CSMD2: variants seen among roughly 807,000 people sequenced by gnomAD.
The protein encoded by CSMD2 is CUB and Sushi multiple domains 2.
CSMD2 carries 130 observed loss-of-function variants against 398.5 expected under a neutral mutation model. The observed-to-expected ratio is 0.33, with a 90% CI of 0.28 to 0.38. The LOEUF (loss-of-function observed/expected upper bound fraction) is 0.38. Ranked by LOEUF, CSMD2 falls within the 10% of genes least tolerant of loss-of-function variation. The pLI, the probability that CSMD2 is intolerant of heterozygous loss-of-function variation, is 1.00. For missense variants in CSMD2, 3,829 were observed against 4,764.9 expected, an observed-to-expected ratio of 0.80 and a Z score of 5.78; for synonymous variants, 1,828 against 1,908.5, an observed-to-expected ratio of 0.96 and a Z score of 1.10.
chr1:33,585,685 C>G (rs932088782), intron 46 of CSMD2, among the ~76,000 whole-genome samples: 2 of 152,196 alleles, frequency 1.3e-5, no homozygotes, highest in African/African-American at 4.8e-5. Context: ...TCTGCTATTC[C>G]TTACTGACAG....
At chr1:33,675,336 T>C (rs1319944414) in intron 25 of CSMD2, among the ~76,000 whole-genome samples, 5 of 152,076 alleles carry the variant, frequency 3.3e-5, no homozygotes, top group South Asian at 2.1e-4. Context: ...AACACCTCTA[T>C]GCAAATAAAC....
intron 13 of CSMD2, among the ~76,000 whole-genome samples, chr1:33,753,528 A>T (rs1290154040): frequency 2.0e-5 from 3 of 152,228 alleles, no homozygotes. Flanking sequence ...GATGATGTGG[A>T]GTGGCAATGT....
intron 60 of CSMD2, among the ~76,000 whole-genome samples, chr1:33,538,598 A>C (rs1656024870): frequency 6.6e-6 from 1 of 152,176 alleles, no homozygotes; most frequent in African/African-American, 2.4e-5. Flanking sequence ...TATGCTGACC[A>C]ATTAGAAGTC....
At chr1:33,952,271 C>T (rs1380944664) in intron 3 of CSMD2, among the ~76,000 whole-genome samples, 1 of 152,066 alleles carries the variant, frequency 6.6e-6, no homozygotes, top group African/African-American at 2.4e-5. Context: ...AGTTACAGAA[C>T]CAGTGGTATT....
intron 5 of CSMD2, among the ~76,000 whole-genome samples, chr1:33,903,334 C>CAT: frequency 6.9e-6 from 1 of 144,474 alleles, no homozygotes; most frequent in South Asian, 2.2e-4. Flanking sequence ...GACTGCTGAG[C>CAT]TTTTTTTTTT....
rs987221158 is a variant in CSMD2 at position 33,699,024 on chromosome 1, G to A, written c.3734-80C>T. 1.0e-5 allele frequency: 13 copies of A among 1,274,314 alleles called. No individual in the cohort carries two copies. In the Admixed American group the frequency reaches 1.1e-4, roughly 11 times the overall value. The allele number at this position is 1,274,314 out of a possible 1,614,324, so 78.9% of individuals were successfully genotyped here. ...CTTCCTCTCTTCCCTCAAAGCCCACGTCCTCAAGGAAGCTGTCTCAGCCAC... is the reference window on the plus strand; with the variant it reads ...CTTCCTCTCTTCCCTCAAAGCCCACATCCTCAAGGAAGCTGTCTCAGCCAC... On this transcript the variant is annotated intron_variant, in intron 23 of 70. Coordinates refer to ENST00000373381, the MANE Select transcript of CSMD2 (RefSeq NM_001281956.2).
intron 5 of CSMD2, among the ~76,000 whole-genome samples, chr1:33,850,013 C>A (rs1188452305): frequency 6.6e-6 from 1 of 152,076 alleles, no homozygotes; most frequent in African/African-American, 2.4e-5. Context: ...TATGCCCCAG[C>A]CACAGATATC....
At chr1:33,679,249 T>C (rs1644824625) in intron 25 of CSMD2, among the ~76,000 whole-genome samples, 1 of 146,932 alleles carries the variant, frequency 6.8e-6, no homozygotes, top group Admixed American at 6.9e-5. Flanking sequence ...GTCACCAGGT[T>C]GGAGTGCAGT....
chr1:33,889,075 C>T (rs1328508559), intron 5 of CSMD2, among the ~76,000 whole-genome samples: 1 of 152,078 alleles, frequency 6.6e-6, no homozygotes, highest in African/African-American at 2.4e-5. Flanking sequence ...CGGCCAAGAT[C>T]AACTGATTTC....
intron 1 of CSMD2, among the ~76,000 whole-genome samples, chr1:34,162,488 C>G (rs971791151): frequency 6.6e-6 from 1 of 152,220 alleles, no homozygotes; most frequent in Non-Finnish European, 1.5e-5. Context: ...TGCCGATCTT[C>G]TGTCACCAAG....
intron 53 of CSMD2, among the ~76,000 whole-genome samples, chr1:33,562,540 G>A (rs1475698439): frequency 2.0e-5 from 3 of 152,198 alleles, no homozygotes; most frequent in African/African-American, 7.2e-5. Context: ...GAGGGGAGAG[G>A]TGGAGGCAAT....
At chr1:34,127,969 T>C (rs766315243) in intron 1 of CSMD2, among the ~76,000 whole-genome samples, 2 of 151,890 alleles carry the variant, frequency 1.3e-5, no homozygotes, top group Non-Finnish European at 2.9e-5. Flanking sequence ...ACCACACCCA[T>C]CGTCCCACCC....
At chr1:33,605,780 G>T in intron 41 of CSMD2, 1 of 1,084,524 alleles carries the variant, frequency 9.2e-7, no homozygotes, top group Non-Finnish European at 1.4e-6. Context: ...GGAAGACATT[G>T]CTCAATTGAA....
intron 53 of CSMD2, among the ~76,000 whole-genome samples, chr1:33,566,403 G>A (rs1364946584): frequency 6.6e-6 from 1 of 152,034 alleles, no homozygotes; most frequent in African/African-American, 2.4e-5. Flanking sequence ...GAGCAGAATG[G>A]TGGTTACCAT....
chr1:34,138,281 C>T (rs1040578155), intron 1 of CSMD2, among the ~76,000 whole-genome samples: 6 of 152,192 alleles, frequency 3.9e-5, no homozygotes, highest in African/African-American at 1.4e-4. Flanking sequence ...GTACGATTTC[C>T]TCCAGGAGAG....
intron 2 of CSMD2, among the ~76,000 whole-genome samples, chr1:34,067,753 C>T (rs1188984110): frequency 2.0e-5 from 3 of 152,212 alleles, no homozygotes; most frequent in African/African-American, 7.2e-5. Flanking sequence ...TGACTGCCTC[C>T]TTCTTCAATG....
At chr1:34,042,533 C>T (rs1452895812) in intron 2 of CSMD2, among the ~76,000 whole-genome samples, 3 of 152,226 alleles carry the variant, frequency 2.0e-5, no homozygotes. Context: ...GATAAACCCC[C>T]ACTTTTCATA....
Position 33,631,118 on chromosome 1 carries a change from T to A in CSMD2, c.5200+2304A>T, listed in dbSNP as rs185539703. ...ATTGATAAATTGCAGCAATAAAAAT[T>A]AAAAAAAACCCACAAAAACACAAAA... On this transcript the variant is annotated intron_variant, in intron 32 of 70. Transcript: ENST00000373381. Among the ~76,000 whole-genome samples the A allele has an allele frequency of 5.0e-3, 753 of 150,168 alleles. 9 individuals carry two copies. The highest frequency in any genetic ancestry group is 0.018 in the African/African-American group (731 of 40,788).
intron 25 of CSMD2, among the ~76,000 whole-genome samples, chr1:33,686,954 G>T (rs558571916): frequency 1.6e-4 from 24 of 152,274 alleles, no homozygotes; most frequent in African/African-American, 5.8e-4. Context: ...CTCATCATTT[G>T]GGAATTACAA....
Sources: gnomAD v4.1 joint callset for allele counts (sites outside exome capture counted in the v4.1 genomes callset) on GRCh38, gnomAD v4.1.1 for gene constraint, MANE v1.5 for transcripts, NCBI Gene and HGNC (gene_info 2026-07-23, HGNC 2026-07-21) for gene names.